The following ZDHHC17 variants were observed in gnomAD, a reference collection of about 807,000 sequenced individuals.
ZDHHC17 encodes the protein zDHHC palmitoyltransferase 17, also known as palmitoyltransferase ZDHHC17.
Under a neutral mutation model 90.3 loss-of-function variants are expected in ZDHHC17, and 40 were observed. That is an observed-to-expected ratio of 0.44 (90% CI 0.34 to 0.58). The LOEUF (loss-of-function observed/expected upper bound fraction) is 0.58, where lower values mean the gene tolerates loss of function less well. ZDHHC17 is among the 20% of genes least tolerant of loss of function. The probability of loss-of-function intolerance (pLI) is 0.01; values close to 1 mark genes in which losing one functional copy is unlikely to be tolerated. For synonymous variants in ZDHHC17, 235 were observed against 252.4 expected (o/e 0.93, Z 0.65); for missense variants, 614 against 780.8 (o/e 0.79, Z 2.55).
chr12:76,810,301 ATATTT>A (rs1216188005), intron 5 of ZDHHC17, among the ~76,000 whole-genome samples: 9 of 152,124 alleles, frequency 5.9e-5, no homozygotes, highest in Admixed American at 2.0e-4. Flanking sequence ...GAAAAACATC[ATATTT>A]TAAGTGGTTG....
At chr12:76,791,342 G>T (rs1207955141) in intron 1 of ZDHHC17, among the ~76,000 whole-genome samples, 4 of 152,200 alleles carry the variant, frequency 2.6e-5, no homozygotes, top group African/African-American at 9.6e-5. Flanking sequence ...GATATGCCTA[G>T]AATTTAGAAG....
intron 1 of ZDHHC17, among the ~76,000 whole-genome samples, chr12:76,772,655 C>G (rs1952507849): frequency 6.6e-6 from 1 of 151,178 alleles, no homozygotes; most frequent in Non-Finnish European, 1.5e-5. Context: ...CTGCCTCAGC[C>G]TCCTGAGTAG....
At chr12:76,808,481 T>C (rs1459558254) in intron 3 of ZDHHC17, among the ~76,000 whole-genome samples, 1 of 151,942 alleles carries the variant, frequency 6.6e-6, no homozygotes, top group African/African-American at 2.4e-5. Flanking sequence ...TCTCTCCCCC[T>C]CTCTCAAAAA....
At chr12:76,781,545 G>C in intron 1 of ZDHHC17, 1 of 449,578 alleles carries the variant, frequency 2.2e-6, no homozygotes, top group Non-Finnish European at 4.5e-6. Context: ...AGAGTGGGTG[G>C]TTCTAAAAGT....
chr12:76,795,346 A>G (rs909069243), intron 1 of ZDHHC17, among the ~76,000 whole-genome samples: 5 of 152,000 alleles, frequency 3.3e-5, no homozygotes, highest in African/African-American at 1.2e-4. Flanking sequence ...TTAACGTTGC[A>G]CATGTCTTAC....
At chr12:76,790,525 C>A (rs529338236) in intron 1 of ZDHHC17, among the ~76,000 whole-genome samples, 1 of 152,120 alleles carries the variant, frequency 6.6e-6, no homozygotes, top group African/African-American at 2.4e-5. Flanking sequence ...ATTCATTCAT[C>A]AAATGTCTGT....
intron 1 of ZDHHC17, among the ~76,000 whole-genome samples, chr12:76,787,715 AGAT>A (rs1952706915): frequency 6.6e-6 from 1 of 152,104 alleles, no homozygotes; most frequent in Non-Finnish European, 1.5e-5. Flanking sequence ...CTAAAATCAG[AGAT>A]GATATTTTAA....
At chr12:76,788,199 A>T (rs1952714360) in intron 1 of ZDHHC17, among the ~76,000 whole-genome samples, 1 of 152,190 alleles carries the variant, frequency 6.6e-6, no homozygotes, top group Admixed American at 6.5e-5. Flanking sequence ...GGCAGATGGA[A>T]AGAGAGACTG....
chr12:76,776,514 AATGTT>A lies in ZDHHC17; in HGVS notation c.93+12193_93+12197del, dbSNP rs1008383058. 2.6e-5 allele frequency among the ~76,000 whole-genome samples: 4 copies of A among 152,306 alleles called. No individual in the cohort carries two copies. The East Asian group carries it at 7.7e-4, about 29-fold the overall frequency. On this transcript the variant is annotated intron_variant, in intron 1 of 16. Coordinates refer to ENST00000426126, the MANE Select transcript of ZDHHC17 (RefSeq NM_015336.4). ...TTTATTTCCTTGTTTTTATTACATA[AATGTT>A]ATGTTATAAAATCTGTATTTTTCTG...
At chr12:76,806,202 C>T (rs1443542894) in intron 3 of ZDHHC17, among the ~76,000 whole-genome samples, 2 of 152,064 alleles carry the variant, frequency 1.3e-5, no homozygotes, top group African/African-American at 2.4e-5. Context: ...TCAAGCGATC[C>T]TCCCACCTCA....
chr12:76,776,070 A>T (rs1952555624), intron 1 of ZDHHC17, among the ~76,000 whole-genome samples: 1 of 151,930 alleles, frequency 6.6e-6, no homozygotes, highest in South Asian at 2.1e-4. Context: ...TCCTTTTTCC[A>T]TTGAATAATT....
rs60610921 is a variant in ZDHHC17, at chr12:76,797,941, CCACACACACACACACA to C, written c.197+426_197+441del. Among the ~76,000 whole-genome samples the C allele has an allele frequency of 1.4e-4, 21 of 147,476 alleles. No homozygotes were observed. In the South Asian group the frequency reaches 2.0e-3, roughly 14 times the overall value. On this transcript the variant is annotated intron_variant, in intron 2 of 16. Transcript: ENST00000426126. ...CCTAGGCAACAAGAGTGAAACTCTGCCACACACACACACACACACACACACACACACACACACGAAA... is the reference window on the plus strand; with the variant it reads ...CCTAGGCAACAAGAGTGAAACTCTGCCACACACACACACACACACACGAAA...
In ZDHHC17 at chr12:76,824,495, A is replaced by G. The variant is rs374071553; in HGVS notation, c.897+1964A>G. ...TTTCTTTTTCCATGTCACATTGGAA[A>G]AGTTTCAGTCATTAACATGTTTTGA... On this transcript the variant is annotated intron_variant, in intron 8 of 16. Coordinates refer to ENST00000426126, the MANE Select transcript of ZDHHC17 (RefSeq NM_015336.4). Among the ~76,000 whole-genome samples the G allele has an allele frequency of 9.9e-5, 15 of 152,234 alleles. No individual in the cohort carries two copies. The East Asian group carries it at 2.1e-3, about 22-fold the overall frequency.
chr12:76,772,017 T>G (rs10862494), intron 1 of ZDHHC17, among the ~76,000 whole-genome samples: 75 of 152,130 alleles, frequency 4.9e-4, no homozygotes, highest in Non-Finnish European at 9.6e-4. Flanking sequence ...CTTTCTTCCA[T>G]GTAGCCGGGA....
intron 1 of ZDHHC17, among the ~76,000 whole-genome samples, chr12:76,778,153 T>C (rs1390750310): frequency 6.6e-6 from 1 of 152,184 alleles, no homozygotes; most frequent in Admixed American, 6.5e-5. Flanking sequence ...ATTGAGTTTT[T>C]GGTCAGTGAG....
intron 5 of ZDHHC17, chr12:76,813,430 A>G: frequency 4.8e-6 from 2 of 419,118 alleles, no homozygotes; most frequent in South Asian, 1.7e-5. Flanking sequence ...AAGGCATAAC[A>G]TTCTATGACA....
chr12:76,809,975 A>AG, intron 5 of ZDHHC17, 118 bp downstream of exon 5: 1 of 1,074,370 alleles, frequency 9.3e-7, no homozygotes, highest in Non-Finnish European at 1.3e-6. Context: ...TGATGGGTGA[A>AG]GAACATAAAT....
At chr12:76,798,260 T>C (rs1384291355) in intron 2 of ZDHHC17, among the ~76,000 whole-genome samples, 6 of 152,280 alleles carry the variant, frequency 3.9e-5, no homozygotes, top group East Asian at 1.9e-4. Context: ...TTTTCTAAAA[T>C]ATCGTCAAAA....
At chr12:76,787,305 G>A (rs1592465510) in intron 1 of ZDHHC17, among the ~76,000 whole-genome samples, 1 of 152,104 alleles carries the variant, frequency 6.6e-6, no homozygotes, top group South Asian at 2.1e-4. Flanking sequence ...ATCTTTACAG[G>A]ATGAAATCGA....
Sources: gnomAD v4.1 joint callset for allele counts (sites outside exome capture counted in the v4.1 genomes callset) on GRCh38, gnomAD v4.1.1 for gene constraint, MANE v1.5 for transcripts, NCBI Gene and HGNC (gene_info 2026-07-23, HGNC 2026-07-21) for gene names.